ZNF516: variants seen among roughly 807,000 people sequenced by gnomAD.
The protein encoded by ZNF516 is zinc finger protein 516.
Under a neutral mutation model 79.7 loss-of-function variants are expected in ZNF516, and 19 were observed. The observed-to-expected ratio is 0.24, with a 90% CI of 0.17 to 0.35. ZNF516 has a LOEUF of 0.35. Among genes scored for constraint, ZNF516 ranks in the 10% least tolerant of loss-of-function variants. The probability of loss-of-function intolerance (pLI) is 1.00; values close to 1 mark genes in which losing one functional copy is unlikely to be tolerated. For synonymous variants in ZNF516, 877 were observed against 739.5 expected, an observed-to-expected ratio of 1.19 and a Z score of -3.02; for missense variants, 1,678 against 1,679.5, an observed-to-expected ratio of 1.00 and a Z score of 0.02.
chr18:76,470,152 T>C (rs1275788558), intron 1 of ZNF516, among the ~76,000 whole-genome samples: 1 of 152,168 alleles, frequency 6.6e-6, no homozygotes, highest in East Asian at 1.9e-4. Context: ...GTTTTCACGT[T>C]CTCAGATTTG....
intron 3 of ZNF516, among the ~76,000 whole-genome samples, chr18:76,413,413 C>A (rs1429975999): frequency 6.6e-6 from 1 of 152,098 alleles, no homozygotes; most frequent in African/African-American, 2.4e-5. Context: ...CCACACCCAA[C>A]AGACGTCTGT....
At chr18:76,463,636 C>G (rs1033128537) in intron 1 of ZNF516, among the ~76,000 whole-genome samples, 3 of 152,208 alleles carry the variant, frequency 2.0e-5, no homozygotes, top group Non-Finnish European at 4.4e-5. Context: ...TCACCTCCTC[C>G]GCAGCATCTG....
At chr18:76,415,630 C>A (rs1023224562) in intron 3 of ZNF516, among the ~76,000 whole-genome samples, 3 of 152,090 alleles carry the variant, frequency 2.0e-5, no homozygotes, top group Admixed American at 6.6e-5. Context: ...GGGGAAACAG[C>A]CGTGGAAAGA....
intron 1 of ZNF516, chr18:76,492,753 G>T: frequency 1.0e-6 from 1 of 985,574 alleles, no homozygotes; most frequent in Non-Finnish European, 1.2e-6. Flanking sequence ...TCCCCCTTCT[G>T]CAGGTTCCGA....
chr18:76,412,590 C>A (rs2075385186), intron 3 of ZNF516, among the ~76,000 whole-genome samples: 1 of 151,888 alleles, frequency 6.6e-6, no homozygotes, highest in East Asian at 1.9e-4. Flanking sequence ...TCAAGGACTG[C>A]AATGCACTGG....
chr18:76,392,137 C>G (rs189145757), intron 3 of ZNF516, among the ~76,000 whole-genome samples: 1 of 152,222 alleles, frequency 6.6e-6, no homozygotes, highest in African/African-American at 2.4e-5. Flanking sequence ...AAACACAGTA[C>G]GGCCAAGGGA....
chr18:76,466,529 G>C (rs539255911), intron 1 of ZNF516, among the ~76,000 whole-genome samples: 2 of 152,264 alleles, frequency 1.3e-5, no homozygotes, highest in Non-Finnish European at 2.9e-5. Context: ...ACACCAAAGA[G>C]GCTACTTGGC....
chr18:76,490,652 G>A lies in ZNF516; in HGVS notation c.-272+4492C>T, dbSNP rs1413604874. The A allele has an allele frequency of 1.8e-5, 9 of 499,310 alleles. No individual in the cohort carries two copies. In the Admixed American group the frequency reaches 1.9e-4, roughly 11 times the overall value. The allele number at this position is 499,310 out of a possible 1,614,324, so 30.9% of individuals were successfully genotyped here. On this transcript the variant is annotated intron_variant, in intron 1 of 6. Transcript: ENST00000443185. ...AGTATTTACTCCATAGCCCCATGGT[G>A]AACGTACATCACTCAGCTTTTAAAT...
intron 1 of ZNF516, among the ~76,000 whole-genome samples, chr18:76,491,978 G>A (rs1915254204): frequency 6.6e-6 from 1 of 152,180 alleles, no homozygotes; most frequent in Admixed American, 6.5e-5. Flanking sequence ...CCTTGTAACC[G>A]AGTTAGATTT....
chr18:76,487,661 G>A (rs183845161), intron 1 of ZNF516, among the ~76,000 whole-genome samples: 69 of 151,988 alleles, frequency 4.5e-4, no homozygotes, highest in Non-Finnish European at 9.0e-4. Context: ...CCTGAAAATC[G>A]AACGATTCTG....
At chr18:76,444,871 G>C (rs1397649940) in intron 2 of ZNF516, among the ~76,000 whole-genome samples, 2 of 152,220 alleles carry the variant, frequency 1.3e-5, no homozygotes, top group African/African-American at 4.8e-5. Context: ...GGCAAATACA[G>C]CGCCAGGTAG....
intron 1 of ZNF516, chr18:76,490,799 G>C (rs918687252): frequency 1.0e-6 from 1 of 985,464 alleles, no homozygotes; most frequent in Non-Finnish European, 1.2e-6. Context: ...GTCACACGAC[G>C]AGCGGACCGG....
At chr18:76,427,398 A>G (rs2075609712) in intron 3 of ZNF516, among the ~76,000 whole-genome samples, 1 of 152,226 alleles carries the variant, frequency 6.6e-6, no homozygotes, top group Non-Finnish European at 1.5e-5. Flanking sequence ...AAAACATAAC[A>G]TAACCTACCA....
intron 3 of ZNF516, among the ~76,000 whole-genome samples, chr18:76,417,153 C>G (rs189770046): frequency 6.6e-6 from 1 of 152,144 alleles, no homozygotes; most frequent in Non-Finnish European, 1.5e-5. Context: ...CTTTGAACTC[C>G]GAATGCCTCG....
rs770281730 is a variant in ZNF516 at position 76,441,684 on chromosome 18, G to A, written c.1371C>T (p.Val457=). Residue 457 remains valine, a synonymous_variant, in exon 3 of 7, where the codon GTC becomes GTT. Transcript: ENST00000443185. The part of the protein sequence containing the change: ...VAFDKDRREY[V]LVSQEKRKRE... Reference sequence around the variant, plus strand: ...GCTTGCGCTTCTCCTGGCTCACCAGGACGTACTCGCGCCTGTCCTTGTCGA... The same window carrying A: ...GCTTGCGCTTCTCCTGGCTCACCAGAACGTACTCGCGCCTGTCCTTGTCGA... The A allele has an allele frequency of 3.4e-5, 53 of 1,559,468 alleles. No individual in the cohort carries two copies. The highest frequency in any genetic ancestry group is 4.0e-5 in the Non-Finnish European group (46 of 1,154,978).
At chr18:76,432,394 C>T (rs1294216887) in intron 3 of ZNF516, among the ~76,000 whole-genome samples, 4 of 152,296 alleles carry the variant, frequency 2.6e-5, no homozygotes, top group African/African-American at 7.2e-5. Context: ...ACCACCGCTA[C>T]GTTCTCACCC....
At chr18:76,428,364 C>T (rs2075621184) in intron 3 of ZNF516, among the ~76,000 whole-genome samples, 1 of 148,166 alleles carries the variant, frequency 6.7e-6, no homozygotes, top group Admixed American at 6.8e-5. Context: ...CTGTACTCCA[C>T]CCTAGACAAC....
At chr18:76,492,258 C>A in intron 1 of ZNF516, 1 of 985,478 alleles carries the variant, frequency 1.0e-6, no homozygotes, top group Non-Finnish European at 1.2e-6. Flanking sequence ...CAGGTCGGGT[C>A]CGTACGCTTC....
intron 3 of ZNF516, among the ~76,000 whole-genome samples, chr18:76,402,799 T>C (rs913291081): frequency 2.6e-5 from 4 of 152,244 alleles, no homozygotes; most frequent in African/African-American, 9.6e-5. Flanking sequence ...GCTGATGCCC[T>C]CCGTGTTCCC....
Sources: allele counts gnomAD v4.1 joint callset (sites outside exome capture counted in the v4.1 genomes callset), GRCh38; gene constraint gnomAD v4.1.1; transcripts MANE v1.5; gene names NCBI Gene and HGNC (gene_info 2026-07-23, HGNC 2026-07-21).